The following PIK3C2B variants were observed in gnomAD, a reference collection of about 807,000 sequenced individuals.
PIK3C2B encodes phosphatidylinositol-4-phosphate 3-kinase catalytic subunit type 2 beta, also known as phosphatidylinositol 4-phosphate 3-kinase C2 domain-containing subunit beta.
PIK3C2B carries 83 observed loss-of-function variants against 184.3 expected under a neutral mutation model. The observed-to-expected ratio is 0.45, with a 90% CI of 0.38 to 0.54. The LOEUF is 0.54. Ranked by LOEUF, PIK3C2B falls within the 20% of genes least tolerant of loss-of-function variation. The pLI, the probability that PIK3C2B is intolerant of heterozygous loss-of-function variation, is 0.00. For synonymous variants in PIK3C2B, 779 were observed against 837.6 expected, an observed-to-expected ratio of 0.93 and a Z score of 1.21; for missense variants, 1,736 against 2,113.5, an observed-to-expected ratio of 0.82 and a Z score of 3.50.
Position 204,469,867 on chromosome 1 carries a change from G to GT in PIK3C2B, c.-66dup. On this transcript the variant is annotated 5_prime_UTR_variant, in exon 2 of 33. An upstream open reading frame in the 5' UTR loses its in-frame stop. Coordinates refer to ENST00000684373, the MANE Select transcript of PIK3C2B (RefSeq NM_001377334.1). ...CTGCCAACGTCAGTTCTGGAGGGTT[G>GT]TGACATGGTGTCTGGGCGCCTGCAG... 1.8e-6 allele frequency: 2 copies of GT among 1,099,118 alleles called. No homozygotes were observed. The highest frequency in any genetic ancestry group is 2.8e-6 in the Non-Finnish European group (2 of 727,160). 68.1% of individuals were successfully genotyped at this position (1,099,118 alleles called of 1,614,324 possible). A position where few individuals can be genotyped will look rare whatever the true frequency, so the allele number is the denominator to read the frequency against.
intron 1 of PIK3C2B, among the ~76,000 whole-genome samples, chr1:204,482,715 C>T (rs1657268446): frequency 6.6e-6 from 1 of 151,500 alleles, no homozygotes; most frequent in South Asian, 2.1e-4. Flanking sequence ...ACCCAGGAAG[C>T]AGAGGCTGCA....
chr1:204,442,476 C>T, intron 20 of PIK3C2B, 50 bp downstream of exon 20: 2 of 1,243,444 alleles, frequency 1.6e-6, no homozygotes, highest in South Asian at 1.3e-5. Context: ...AAGACCTCAC[C>T]TCCACTGAGC....
At chr1:204,460,908 G>T (rs61761717) in intron 5 of PIK3C2B, among the ~76,000 whole-genome samples, 1 of 152,166 alleles carries the variant, frequency 6.6e-6, no homozygotes, top group African/African-American at 2.4e-5. Context: ...GACTCTCTTA[G>T]ATATTTATTA....
rs752647243 is a variant in PIK3C2B, at chr1:204,424,922, C to T, written c.4835G>A (p.Arg1612Gln). 5 of 1,614,224 alleles carry T rather than the reference C, an allele frequency of 3.1e-6. No individual in the cohort carries two copies. The highest frequency in any genetic ancestry group is 1.7e-5 in the Admixed American group (1 of 60,026). Residue 1612 changes from arginine to glutamine, a missense_variant, in exon 33 of 33, where the codon CGA becomes CAA. Physicochemically the swap from Arg to Gln is conservative, Grantham distance 43. Around this residue, in one of 8 missense-constraint regions of PIK3C2B, gnomAD observed 95 missense variants for 164.2 expected, o/e 0.58. Coordinates refer to ENST00000684373, the MANE Select transcript of PIK3C2B (RefSeq NM_001377334.1). ...VLLGEVNIRLRELDLAQEKTG... is the reference protein window; with the variant it reads ...VLLGEVNIRLQELDLAQEKTG... ...CTTCTCCTGAGCCAGGTCCAGCTCT[C>T]GCAGGCGGATGTTCACCTCACCGAG...
Position 204,443,891 on chromosome 1 carries a change from T to A in PIK3C2B, c.2867+177A>T, listed in dbSNP as rs371138618. On this transcript the variant is annotated intron_variant, in intron 18 of 32. Coordinates refer to ENST00000684373, the MANE Select transcript of PIK3C2B (RefSeq NM_001377334.1). The stretch of plus-strand genomic sequence containing the variant: ...AGACAGGATAACATAATCCTCACTA[T>A]GTTACATGGGGTGAGCTGAGACCCC... Among the ~76,000 whole-genome samples the A allele has an allele frequency of 3.3e-5, 5 of 152,134 alleles. No homozygotes were observed. In the South Asian group the frequency reaches 6.2e-4, roughly 19 times the overall value.
At position 204,443,383 on chromosome 1, in the gene PIK3C2B, G is replaced by A. The variant is rs200520506; in HGVS notation, c.3048+34C>T. The A allele has an allele frequency of 4.7e-5, 75 of 1,583,890 alleles. No individual in the cohort carries two copies. The East Asian group carries it at 1.5e-3, about 31-fold the overall frequency. On this transcript the variant is annotated intron_variant, in intron 19 of 32. Coordinates refer to ENST00000684373, the MANE Select transcript of PIK3C2B (RefSeq NM_001377334.1). ...GAAACTGGCTGCCAAAGCCCTGGAT[G>A]AGAAATGGGTAGGGGCAGCCTCACC...
At position 204,425,183 on chromosome 1, in the gene PIK3C2B, C is replaced by G. The variant is rs928771831; in HGVS notation, c.4717-143G>C. The G allele has an allele frequency of 3.0e-5, 19 of 642,184 alleles. No individual in the cohort carries two copies. In the Admixed American group the frequency reaches 4.9e-4, roughly 17 times the overall value. 39.8% of individuals were successfully genotyped at this position (642,184 alleles called of 1,614,324 possible). On this transcript the variant is annotated intron_variant, in intron 32 of 32. Coordinates refer to ENST00000684373, the MANE Select transcript of PIK3C2B (RefSeq NM_001377334.1). Reference sequence around the variant, plus strand: ...TCACCCTGCAGAGTCCCAGGTAATACAGAAGGCACACAAGGTACACAGACT... The same window carrying G: ...TCACCCTGCAGAGTCCCAGGTAATAGAGAAGGCACACAAGGTACACAGACT...
chr1:204,470,817 T>C (rs1320356779), intron 1 of PIK3C2B, among the ~76,000 whole-genome samples: 33 of 152,262 alleles, frequency 2.2e-4, no homozygotes, highest in Admixed American at 2.2e-3. Flanking sequence ...GAATGAATTA[T>C]TGACAAATGC....
At position 204,468,980 on chromosome 1, in the gene PIK3C2B, C is replaced by T; in HGVS notation, c.823G>A (p.Ala275Thr). The change falls in exon 2 of 33, where the codon GCC becomes ACC. Residue 275 changes from alanine (A) to threonine (T), a missense_variant. Around this residue, in one of 8 missense-constraint regions of PIK3C2B, gnomAD observed 404 missense variants for 418.0 expected, o/e 0.97. Coordinates refer to ENST00000684373, the MANE Select transcript of PIK3C2B (RefSeq NM_001377334.1). ...TGAGGGGGCATAGTCTTGCTCCTGGCCACGGGTTTTCCAGAGGTGTCTTTG... is the reference window on the plus strand; with the variant it reads ...TGAGGGGGCATAGTCTTGCTCCTGGTCACGGGTTTTCCAGAGGTGTCTTTG... ...FSKDTSGKPV[A>T]RSKTMPPQVP... is the part of the protein sequence containing the mutation. The T allele has an allele frequency of 6.2e-7, 1 of 1,614,206 alleles. No homozygotes were observed. Among genetic ancestry groups the T allele is most frequent in the Non-Finnish European group, 8.5e-7 (1 of 1,180,040 alleles).
Position 204,468,907 on chromosome 1 carries a change from G to A in PIK3C2B, c.896C>T (p.Ala299Val), listed in dbSNP as rs371279623. The A allele has an allele frequency of 3.1e-5, 49 of 1,600,176 alleles. No individual in the cohort carries two copies. Among genetic ancestry groups the A allele is most frequent in the African/African-American group, 1.7e-4 (13 of 74,504 alleles). Residue 299 changes from alanine (A) to valine (V), a missense_variant, in exon 2 of 33, where the codon GCG (alanine) becomes GTG (valine). Physicochemically the swap from Ala to Val is moderately conservative, Grantham distance 64. This residue lies in a region of PIK3C2B where 404 missense variants were observed against 418.0 expected (regional missense o/e 0.97). Transcript: ENST00000684373. ...YASRYGNRKN[A>V]TPGKNRRISA... The stretch of plus-strand genomic sequence containing the variant: ...AATCCGGCGGTTCTTGCCAGGCGTC[G>A]CATTCTTTCGGTTGCCATAGCGGGA...
intron 13 of PIK3C2B, among the ~76,000 whole-genome samples, 186 bp from the exon 14 acceptor site, chr1:204,449,482 G>A (rs1254497141): frequency 6.6e-6 from 1 of 152,176 alleles, no homozygotes; most frequent in Non-Finnish European, 1.5e-5. Flanking sequence ...CCTCCAAGAG[G>A]ACTTGTGAGC....
chr1:204,478,317 C>T (rs908135844), intron 1 of PIK3C2B, among the ~76,000 whole-genome samples: 3 of 152,210 alleles, frequency 2.0e-5, no homozygotes, highest in African/African-American at 7.2e-5. Context: ...ACTCCACACA[C>T]ATGCCGCTGG....
chr1:204,434,251 G>C (rs1179504016), intron 24 of PIK3C2B, among the ~76,000 whole-genome samples, 188 bp downstream of exon 24: 39 of 152,172 alleles, frequency 2.6e-4, no homozygotes, highest in Admixed American at 2.5e-3. Context: ...GCTGGTCCCC[G>C]CATTCTTCTG....
chr1:204,438,329 G>A (rs1380136972), intron 23 of PIK3C2B, among the ~76,000 whole-genome samples: 4 of 152,130 alleles, frequency 2.6e-5, no homozygotes, highest in African/African-American at 9.7e-5. Flanking sequence ...GACCCTAGCA[G>A]GCTACCAGGG....
chr1:204,446,852 C>G (rs1274867715), intron 15 of PIK3C2B, among the ~76,000 whole-genome samples: 1 of 152,156 alleles, frequency 6.6e-6, no homozygotes, highest in Non-Finnish European at 1.5e-5. Context: ...CAGGGCTGCG[C>G]AGGAGCCAGA....
intron 24 of PIK3C2B, 125 bp downstream of exon 24, chr1:204,434,314 G>A: frequency 1.2e-6 from 1 of 817,956 alleles, no homozygotes; most frequent in Admixed American, 2.5e-5. Context: ...CTCCAATGCT[G>A]CTCAGCCCTG....
rs563298066 is a variant in PIK3C2B, at chr1:204,460,469, C to T, written c.1423-66G>A. On this transcript the variant is annotated intron_variant, in intron 6 of 32. Transcript: ENST00000684373. ...TATCTCAGCTCAGCACTCCTACCCC[C>T]CTCCCACCTGATGTGTTCTATATTG... 5 of 1,537,028 alleles carry T rather than the reference C, an allele frequency of 3.3e-6. No individual in the cohort carries two copies. In the Admixed American group the frequency reaches 5.0e-5, roughly 15 times the overall value.
intron 16 of PIK3C2B, 44 bp from the exon 17 acceptor site, chr1:204,444,468 G>A: frequency 6.9e-7 from 1 of 1,456,692 alleles, no homozygotes; most frequent in Non-Finnish European, 9.5e-7. Flanking sequence ...GCTGCAAGTT[G>A]AGGCACAGCT....
In PIK3C2B at chr1:204,432,311, G is replaced by A. The variant is rs1459553414; in HGVS notation, c.4044C>T (p.Asp1348=). 1.9e-6 allele frequency: 3 copies of A among 1,613,930 alleles called. No individual in the cohort carries two copies. Among genetic ancestry groups the A allele is most frequent in the Non-Finnish European group, 1.7e-6 (2 of 1,179,972 alleles). Residue 1348 remains aspartate, a synonymous_variant, in exon 27 of 33, where the codon GAC becomes GAT. Coordinates refer to ENST00000684373, the MANE Select transcript of PIK3C2B (RefSeq NM_001377334.1). ...LAQMKFTGSD[D]RLTLSFASRT... The stretch of plus-strand genomic sequence containing the variant: ...GGGAGGCAAAGGAGAGGGTCAGCCG[G>A]TCATCTGAGCCCGTGAACTTCATCT...
Sources: allele counts gnomAD v4.1 joint callset (sites outside exome capture counted in the v4.1 genomes callset), GRCh38; gene constraint gnomAD v4.1.1; regional missense constraint gnomAD v4.1.1; transcripts MANE v1.5; gene names NCBI Gene and HGNC (gene_info 2026-07-23, HGNC 2026-07-21).